Variants in LIN52 observed in about 807,000 individuals in gnomAD.
LIN52 encodes lin-52 DREAM MuvB core complex component, also known as protein lin-52 homolog.
In LIN52, 4 loss-of-function variants were observed where a neutral mutation model predicts 18.5. The observed-to-expected ratio is 0.22, with a 90% CI of 0.11 to 0.49. The LOEUF is 0.49. Ranked by LOEUF, LIN52 falls within the 20% of genes least tolerant of loss-of-function variation. LIN52 has a pLI of 0.97. For synonymous variants in LIN52, 34 were observed against 45.5 expected (o/e 0.75, Z 1.02); for missense variants, 102 against 139.5 (o/e 0.73, Z 1.35).
intron 5 of LIN52, among the ~76,000 whole-genome samples, chr14:74,145,666 A>C (rs2061150289): frequency 6.6e-6 from 1 of 152,240 alleles, no homozygotes; most frequent in African/African-American, 2.4e-5. Context: ...TCACTTAAGG[A>C]TTTAGAATTG....
At chr14:74,093,199 G>A (rs1054999179) in intron 2 of LIN52, among the ~76,000 whole-genome samples, 7 of 151,606 alleles carry the variant, frequency 4.6e-5, no homozygotes, top group Non-Finnish European at 7.4e-5. Context: ...CGCCCACCTC[G>A]GCCTCCCAAA....
chr14:74,116,645 G>T (rs969090418), intron 5 of LIN52, among the ~76,000 whole-genome samples: 1 of 151,632 alleles, frequency 6.6e-6, no homozygotes, highest in East Asian at 1.9e-4. Context: ...GGTGGAGCTT[G>T]CAGTGAGCTG....
chr14:74,181,371 T>C (rs1197472051), intron 5 of LIN52, among the ~76,000 whole-genome samples: 5 of 151,222 alleles, frequency 3.3e-5, no homozygotes, highest in Non-Finnish European at 5.9e-5. Flanking sequence ...GCCTAGGAGG[T>C]TGAGGCTGCA....
chr14:74,125,228 C>A (rs984896831), intron 5 of LIN52, among the ~76,000 whole-genome samples: 1 of 152,154 alleles, frequency 6.6e-6, no homozygotes, highest in African/African-American at 2.4e-5. Context: ...TACAGTCCCA[C>A]CAACAGTGTA....
chr14:74,171,165 C>G (rs1177097141), intron 5 of LIN52, among the ~76,000 whole-genome samples: 1 of 151,960 alleles, frequency 6.6e-6, no homozygotes, highest in Non-Finnish European at 1.5e-5. Flanking sequence ...GGGTGGATCA[C>G]TTGAGCCCAG....
chr14:74,131,683 G>T (rs8021511), intron 5 of LIN52, among the ~76,000 whole-genome samples: 1 of 152,094 alleles, frequency 6.6e-6, no homozygotes, highest in Non-Finnish European at 1.5e-5. Flanking sequence ...TTTTTAATAC[G>T]CATTTCTTGG....
At chr14:74,130,564 C>A (rs2061060021) in intron 5 of LIN52, among the ~76,000 whole-genome samples, 1 of 150,222 alleles carries the variant, frequency 6.7e-6, no homozygotes, top group Admixed American at 6.6e-5. Context: ...AGGCATGAGC[C>A]ACCACACCTA....
chr14:74,129,436 TA>T (rs1289092327), intron 5 of LIN52, among the ~76,000 whole-genome samples: 1 of 152,204 alleles, frequency 6.6e-6, no homozygotes, highest in Non-Finnish European at 1.5e-5. Context: ...GGAAGAGAGC[TA>T]CTTTGTCTAC....
intron 5 of LIN52, among the ~76,000 whole-genome samples, chr14:74,103,913 G>A (rs147083664): frequency 6.9e-6 from 1 of 144,040 alleles, no homozygotes. Flanking sequence ...TTTTTTTTGA[G>A]ACGGAGTCTC....
intron 3 of LIN52, 92 bp downstream of exon 3, chr14:74,096,077 T>C (rs2060810009): frequency 1.1e-6 from 1 of 885,294 alleles, no homozygotes; most frequent in Non-Finnish European, 1.7e-6. Flanking sequence ...TTTTATTTTA[T>C]TTATGGCAGA....
At chr14:74,090,018 C>CT (rs34660535) in intron 1 of LIN52, among the ~76,000 whole-genome samples, 37,990 of 125,756 alleles carry the variant, frequency 0.3, 6,425 homozygotes, top group South Asian at 0.54. Flanking sequence ...ACAGTGCACT[C>CT]TTTTTTTTTT....
At chr14:74,139,766 T>C (rs1443587419) in intron 5 of LIN52, among the ~76,000 whole-genome samples, 6 of 152,156 alleles carry the variant, frequency 3.9e-5, no homozygotes, top group Admixed American at 3.3e-4. Flanking sequence ...ATTGCTAGAG[T>C]AATATTTTCT....
intron 5 of LIN52, among the ~76,000 whole-genome samples, chr14:74,125,072 CA>C (rs926391305): frequency 2.6e-5 from 4 of 152,028 alleles, no homozygotes; most frequent in African/African-American, 7.2e-5. Flanking sequence ...AACTCAACAA[CA>C]AAAAAACAGC....
chr14:74,185,614 G>A (rs1358283212), intron 5 of LIN52, among the ~76,000 whole-genome samples: 1 of 152,008 alleles, frequency 6.6e-6, no homozygotes, highest in Non-Finnish European at 1.5e-5. Flanking sequence ...CGCCCAGCCA[G>A]TGATTTCTTT....
At chr14:74,176,967 A>T (rs932814759) in intron 5 of LIN52, among the ~76,000 whole-genome samples, 3 of 151,196 alleles carry the variant, frequency 2.0e-5, no homozygotes, top group African/African-American at 7.3e-5. Context: ...TGTTTTGTTT[A>T]TTCATTCATC....
chr14:74,166,623 C>A (rs2061251092), intron 5 of LIN52, among the ~76,000 whole-genome samples: 1 of 152,194 alleles, frequency 6.6e-6, no homozygotes, highest in Non-Finnish European at 1.5e-5. Flanking sequence ...TGGGAAGCAA[C>A]TATATTTCTG....
chr14:74,108,851 A>G (rs1052190781), intron 5 of LIN52, among the ~76,000 whole-genome samples: 11 of 152,080 alleles, frequency 7.2e-5, no homozygotes, highest in South Asian at 2.1e-4. Flanking sequence ...CTCTCATTCT[A>G]TGGGTTGTCT....
chr14:74,095,424 T>C (rs1269730233), intron 2 of LIN52, among the ~76,000 whole-genome samples: 2 of 151,994 alleles, frequency 1.3e-5, no homozygotes, highest in Non-Finnish European at 2.9e-5. Flanking sequence ...CATGAGCCAC[T>C]GCACCCGGCC....
rs372665947 is a variant in LIN52 at position 74,091,238 on chromosome 14, A to G, written c.26A>G (p.Asp9Gly). ...TCTGGATGTTTTGTTCTAGGGACAGATCTGGAAGCATCTTTGCTAAGTTTT... is the reference window on the plus strand; with the variant it reads ...TCTGGATGTTTTGTTCTAGGGACAGGTCTGGAAGCATCTTTGCTAAGTTTT... The part of the protein sequence containing the change: MASPTDGT[D>G]LEASLLSFEK... Residue 9 changes from aspartate (D) to glycine (G), a missense_variant, in exon 2 of 6, where the codon GAT becomes GGT. By Grantham distance (94) the Asp-to-Gly change is moderately conservative (BLOSUM62 -1). Transcript: ENST00000555028. The G allele has an allele frequency of 5.0e-6, 8 of 1,609,924 alleles. No homozygotes were observed. The African/African-American group carries it at 1.1e-4, about 22-fold the overall frequency.
Sources: allele counts gnomAD v4.1 joint callset (sites outside exome capture counted in the v4.1 genomes callset), GRCh38; gene constraint gnomAD v4.1.1; transcripts MANE v1.5; gene names NCBI Gene and HGNC (gene_info 2026-07-23, HGNC 2026-07-21).